Variants in SLC4A4 observed in about 807,000 individuals in gnomAD.
SLC4A4 encodes solute carrier family 4 member 4.
A neutral mutation model predicts 111.5 loss-of-function variants in SLC4A4; 27 were observed. The observed-to-expected ratio is 0.24, with a 90% CI of 0.18 to 0.33. The LOEUF is 0.33. Ranked by LOEUF, SLC4A4 falls within the 10% of genes least tolerant of loss-of-function variation. The pLI is 1.00. For missense variants in SLC4A4, 909 were observed against 1,315.5 expected, an observed-to-expected ratio of 0.69 and a Z score of 4.78; for synonymous variants, 443 against 463.4, an observed-to-expected ratio of 0.96 and a Z score of 0.57.
chr4:71,194,182 C>T (rs1745881096), intron 1 of SLC4A4, among the ~76,000 whole-genome samples: 1 of 152,180 alleles, frequency 6.6e-6, no homozygotes, highest in African/African-American at 2.4e-5. Flanking sequence ...ACATCCGTGT[C>T]TTTTTTCATT....
At chr4:71,560,992 G>A (rs576193234) in intron 23 of SLC4A4, among the ~76,000 whole-genome samples, 84 of 151,710 alleles carry the variant, frequency 5.5e-4, no homozygotes, top group African/African-American at 1.5e-3. Flanking sequence ...AGGAAAACTG[G>A]GATTTGTTTA....
At chr4:71,443,351 T>C (rs555261982) in intron 8 of SLC4A4, among the ~76,000 whole-genome samples, 15 of 151,698 alleles carry the variant, frequency 9.9e-5, no homozygotes, top group African/African-American at 3.6e-4. Context: ...GGTTTCACCA[T>C]GTTGGCCAGG....
intron 6 of SLC4A4, among the ~76,000 whole-genome samples, chr4:71,385,456 C>T (rs1718624521): frequency 1.3e-5 from 2 of 151,690 alleles, no homozygotes; most frequent in South Asian, 2.1e-4. Flanking sequence ...CCTCAGCCTC[C>T]GAAAGTGCTG....
intron 1 of SLC4A4, among the ~76,000 whole-genome samples, chr4:71,081,120 A>AT (rs546341248): frequency 3.9e-4 from 59 of 151,980 alleles, no homozygotes; most frequent in Non-Finnish European, 6.3e-4. Context: ...TAAACATGCC[A>AT]TTTTTTCACA....
chr4:71,506,187 T>C (rs925522923), intron 16 of SLC4A4, among the ~76,000 whole-genome samples: 1 of 152,206 alleles, frequency 6.6e-6, no homozygotes, highest in Non-Finnish European at 1.5e-5. Context: ...TGGTTTCATA[T>C]GAATTTTAAA....
At chr4:71,208,357 G>C (rs1271720678) in intron 1 of SLC4A4, among the ~76,000 whole-genome samples, 1 of 151,536 alleles carries the variant, frequency 6.6e-6, no homozygotes, top group Non-Finnish European at 1.5e-5. Flanking sequence ...TGTGAACCCG[G>C]GAGGCGGAGC....
chr4:71,240,969 A>G (rs1720164307), intron 2 of SLC4A4, among the ~76,000 whole-genome samples: 1 of 151,960 alleles, frequency 6.6e-6, no homozygotes, highest in Non-Finnish European at 1.5e-5. Flanking sequence ...AAATAAAAAA[A>G]AAAATAGCTG....
intron 2 of SLC4A4, among the ~76,000 whole-genome samples, chr4:71,179,599 C>T (rs1745220395): frequency 6.6e-6 from 1 of 152,012 alleles, no homozygotes; most frequent in African/African-American, 2.4e-5. Context: ...CTCCCATTCA[C>T]AATTGCTTCA....
chr4:71,282,855 G>T (rs1260874810), intron 3 of SLC4A4, among the ~76,000 whole-genome samples: 1 of 152,054 alleles, frequency 6.6e-6, no homozygotes, highest in Non-Finnish European at 1.5e-5. Context: ...GAGATTACAG[G>T]AATAAACTCC....
chr4:71,358,325 A>T (rs1183117684), intron 6 of SLC4A4, among the ~76,000 whole-genome samples: 1 of 151,962 alleles, frequency 6.6e-6, no homozygotes, highest in Non-Finnish European at 1.5e-5. Context: ...AAAAAAAAAA[A>T]AAAAGAGAGA....
At chr4:71,355,567 T>C (rs1730210440) in intron 5 of SLC4A4, among the ~76,000 whole-genome samples, 1 of 152,200 alleles carries the variant, frequency 6.6e-6, no homozygotes, top group African/African-American at 2.4e-5. Context: ...AGTGGTCCCA[T>C]GTTATGTGAC....
At chr4:71,280,863 A>G (rs1448452654) in intron 3 of SLC4A4, among the ~76,000 whole-genome samples, 1 of 152,154 alleles carries the variant, frequency 6.6e-6, no homozygotes, top group Non-Finnish European at 1.5e-5. Context: ...GTCAAGGTTT[A>G]TTTTTAACAT....
intron 3 of SLC4A4, among the ~76,000 whole-genome samples, chr4:71,338,596 A>G (rs1299690344): frequency 6.9e-6 from 1 of 144,806 alleles, no homozygotes; most frequent in African/African-American, 2.6e-5. Context: ...GGAGTAACCC[A>G]TGACCTGGGG....
At chr4:71,371,800 G>T (rs953466570) in intron 6 of SLC4A4, among the ~76,000 whole-genome samples, 1 of 152,020 alleles carries the variant, frequency 6.6e-6, no homozygotes, top group Non-Finnish European at 1.5e-5. Flanking sequence ...TGTATCTCAT[G>T]CTTTTGTGTC....
chr4:71,188,889 T>G (rs1745610034), intron 1 of SLC4A4, among the ~76,000 whole-genome samples: 1 of 152,216 alleles, frequency 6.6e-6, no homozygotes, highest in Non-Finnish European at 1.5e-5. Flanking sequence ...CTTTTATAGC[T>G]GAGAAAAAAC....
At chr4:71,536,492 A>ATT (rs1553928672) in intron 18 of SLC4A4, among the ~76,000 whole-genome samples, 3 of 126,644 alleles carry the variant, frequency 2.4e-5, no homozygotes, top group Admixed American at 8.2e-5. Flanking sequence ...ATATATGTAT[A>ATT]TATTTATTTA....
At chr4:71,124,616 C>T (rs540010280) in intron 2 of SLC4A4, among the ~76,000 whole-genome samples, 9 of 152,294 alleles carry the variant, frequency 5.9e-5, no homozygotes, top group Middle Eastern at 6.8e-3. Flanking sequence ...TTATTGCGCT[C>T]ACTTCCTTTC....
At chr4:71,085,936 T>C (rs1015805036) in intron 1 of SLC4A4, among the ~76,000 whole-genome samples, 2 of 152,058 alleles carry the variant, frequency 1.3e-5, no homozygotes, top group African/African-American at 4.8e-5. Flanking sequence ...TCCAATTCTG[T>C]GAAGAAAGTC....
At position 71,465,522 on chromosome 4, in the gene SLC4A4, A is replaced by G. The variant is rs554519458; in HGVS notation, c.1498-922A>G. On this transcript the variant is annotated intron_variant, in intron 12 of 25. Coordinates refer to ENST00000264485, the MANE Select transcript of SLC4A4 (RefSeq NM_001098484.3). Reference sequence around the variant, plus strand: ...TTTTGCCATTACCCTAATTATTTTAATGGCAAAAACCACGATAACTTTTGC... The same window carrying G: ...TTTTGCCATTACCCTAATTATTTTAGTGGCAAAAACCACGATAACTTTTGC... 2.8e-4 allele frequency among the ~76,000 whole-genome samples: 42 copies of G among 150,328 alleles called. No homozygotes were observed. The South Asian group carries it at 8.9e-3, about 32-fold the overall frequency.
Sources: allele counts gnomAD v4.1 joint callset (sites outside exome capture counted in the v4.1 genomes callset), GRCh38; gene constraint gnomAD v4.1.1; transcripts MANE v1.5; gene names NCBI Gene and HGNC (gene_info 2026-07-23, HGNC 2026-07-21).